Variants in PDS5A observed in about 807,000 individuals in gnomAD.
PDS5A encodes the protein sister chromatid cohesion protein PDS5 homolog A.
In PDS5A, 42 loss-of-function variants were observed where a neutral mutation model predicts 167.1. That is an observed-to-expected ratio of 0.25 (90% CI 0.20 to 0.33). The LOEUF (loss-of-function observed/expected upper bound fraction) is 0.33. Among genes scored for constraint, PDS5A ranks in the 10% least tolerant of loss-of-function variants. The pLI is 1.00. For synonymous variants in PDS5A, 553 were observed against 554.6 expected, an observed-to-expected ratio of 1.00 and a Z score of 0.04; for missense variants, 1,033 against 1,605.9, an observed-to-expected ratio of 0.64 and a Z score of 6.10.
chr4:39,863,170 T>C, intron 24 of PDS5A, 97 bp from the exon 25 acceptor site: 1 of 999,226 alleles, frequency 1.0e-6, no homozygotes. Context: ...AAGAAGATAA[T>C]TATATGGGAG....
chr4:39,954,460 G>A (rs896613318), intron 2 of PDS5A, among the ~76,000 whole-genome samples: 15 of 151,770 alleles, frequency 9.9e-5, no homozygotes, highest in Non-Finnish European at 1.3e-4. Context: ...CTGGGATTAC[G>A]GGCATGTGCC....
At chr4:39,829,701 C>T (rs1043255853) in intron 32 of PDS5A, among the ~76,000 whole-genome samples, 12 of 151,196 alleles carry the variant, frequency 7.9e-5, no homozygotes, top group Admixed American at 6.6e-4. Flanking sequence ...CCTGTAATCC[C>T]GGCACTTTTG....
chr4:39,860,680 T>TTCA (rs1718909502), intron 26 of PDS5A, among the ~76,000 whole-genome samples: 1 of 152,158 alleles, frequency 6.6e-6, no homozygotes, highest in Admixed American at 6.5e-5. Context: ...ATTCTGTCAT[T>TTCA]TTCAGCAAAA....
chr4:39,922,869 C>T, intron 5 of PDS5A, 121 bp from the exon 6 acceptor site: 1 of 1,188,902 alleles, frequency 8.4e-7, no homozygotes, highest in Non-Finnish European at 1.1e-6. Context: ...AGGATTTTCA[C>T]TTGAGGGACA....
intron 2 of PDS5A, among the ~76,000 whole-genome samples, chr4:39,941,033 C>G (rs552750845): frequency 1.3e-5 from 2 of 152,310 alleles, no homozygotes; most frequent in South Asian, 4.1e-4. Flanking sequence ...AACTAAAACC[C>G]AGGTTTCAGG....
chr4:39,849,318 A>G, intron 27 of PDS5A, among the ~76,000 whole-genome samples: 1 of 152,124 alleles, frequency 6.6e-6, no homozygotes, highest in East Asian at 1.9e-4. Flanking sequence ...CTAAGGTTAT[A>G]ATGTCTTTTC....
intron 2 of PDS5A, among the ~76,000 whole-genome samples, chr4:39,974,956 C>A (rs1397824171): frequency 6.6e-6 from 1 of 151,420 alleles, no homozygotes; most frequent in East Asian, 2.0e-4. Context: ...ACTAAAAATA[C>A]AAAAATTAGC....
At chr4:39,850,343 A>G (rs1455427350) in intron 26 of PDS5A, among the ~76,000 whole-genome samples, 1 of 151,476 alleles carries the variant, frequency 6.6e-6, no homozygotes, top group Non-Finnish European at 1.5e-5. Context: ...TACAAAAATT[A>G]GCTGGGCATG....
chr4:39,824,914 T>A lies in PDS5A; in HGVS notation c.*571A>T, dbSNP rs1342188476. 1 of 152,662 alleles carries A rather than the reference T, an allele frequency of 6.6e-6. No homozygotes were observed. Among genetic ancestry groups the A allele is most frequent in the East Asian group, 1.9e-4 (1 of 5,200 alleles). 9.5% of individuals were successfully genotyped at this position (152,662 alleles called of 1,614,324 possible). A position where few individuals can be genotyped will look rare whatever the true frequency, so the allele number is the denominator to read the frequency against. On this transcript the variant is annotated 3_prime_UTR_variant, in exon 33 of 33. Transcript: ENST00000303538. ...AGCAGGGAACCGAAATCTGTACATC[T>A]CATTTTTGCAGAAAAGTAGGCAGGC...
At chr4:39,853,355 G>T (rs1000982558) in intron 26 of PDS5A, among the ~76,000 whole-genome samples, 7 of 152,164 alleles carry the variant, frequency 4.6e-5, no homozygotes, top group African/African-American at 1.7e-4. Context: ...ATGTAGCTGA[G>T]AAGCTTGATA....
chr4:39,826,473 T>TTTTATTTATTTATTTATTTA (rs57090254), intron 32 of PDS5A, among the ~76,000 whole-genome samples: 7,122 of 143,742 alleles, frequency 0.05, 229 homozygotes, highest in Non-Finnish European at 0.054. Context: ...CATTCCACAT[T>TTTTATTTATTTATTTATTTA]TTTATTTATT....
chr4:39,927,903 A>G, intron 3 of PDS5A, 58 bp downstream of exon 3: 1 of 1,150,494 alleles, frequency 8.7e-7, no homozygotes, highest in East Asian at 2.4e-5. Context: ...AAATAAAAGT[A>G]TACCTTCTGA....
At chr4:39,887,244 G>A (rs1225626197) in intron 17 of PDS5A, among the ~76,000 whole-genome samples, 3 of 151,798 alleles carry the variant, frequency 2.0e-5, no homozygotes, top group African/African-American at 4.8e-5. Flanking sequence ...GTTCAGTGTG[G>A]GTGTGTCACA....
In PDS5A at chr4:39,862,870, A is replaced by T. The variant is rs958679818; in HGVS notation, c.2970T>A (p.Thr990=). The change falls in exon 25 of 33, where the codon ACT becomes ACA. Residue 990 remains threonine (T), a splice_region_variant and synonymous_variant. Coordinates refer to ENST00000303538, the MANE Select transcript of PDS5A (RefSeq NM_001100399.2). The stretch of plus-strand genomic sequence containing the variant: ...CACGGAGAACTCTGAGTTACTTACC[A>T]GTAGCCATAGGATTCTGCTTAATGT... ...REYIKQNPMA[T]EKLLSLLPEY... is the part of the protein sequence containing the mutation. 1.3e-6 allele frequency: 2 copies of T among 1,590,412 alleles called. No homozygotes were observed.
chr4:39,950,914 T>G (rs536301318), intron 2 of PDS5A, among the ~76,000 whole-genome samples: 1 of 152,194 alleles, frequency 6.6e-6, no homozygotes, highest in African/African-American at 2.4e-5. Flanking sequence ...GGTTTTAATT[T>G]TTAAAATAGA....
rs142147688 is a variant in PDS5A, at chr4:39,867,733, AACACACACACACAC to A, written c.2506-750_2506-737del. Among the ~76,000 whole-genome samples, 93 of 130,616 alleles carry A rather than the reference AACACACACACACAC, an allele frequency of 7.1e-4. 1 individual carries two copies. The highest frequency in any genetic ancestry group is 1.4e-3 in the South Asian group (6 of 4,148). 85.7% of individuals were successfully genotyped at this position (130,616 alleles called of 152,430 possible). A position where few individuals can be genotyped will look rare whatever the true frequency, so the allele number is the denominator to read the frequency against. On this transcript the variant is annotated intron_variant, in intron 22 of 32. Transcript: ENST00000303538. Reference sequence around the variant, plus strand: ...AAACTCTGTTTCATAAAAAAACCAAAACACACACACACACACACACACACACACACACACACACA... The same window carrying A: ...AAACTCTGTTTCATAAAAAAACCAAAACACACACACACACACACACACACA...
intron 18 of PDS5A, among the ~76,000 whole-genome samples, chr4:39,879,396 C>A (rs957449791): frequency 1.3e-5 from 2 of 152,028 alleles, no homozygotes; most frequent in Admixed American, 6.6e-5. Context: ...ATGATATTCC[C>A]TCCTCTAGAT....
At chr4:39,967,040 C>T (rs1730035839) in intron 2 of PDS5A, among the ~76,000 whole-genome samples, 1 of 151,696 alleles carries the variant, frequency 6.6e-6, no homozygotes, top group Admixed American at 6.6e-5. Flanking sequence ...TGTGGTGGCT[C>T]ACGCCTGTAA....
intron 2 of PDS5A, among the ~76,000 whole-genome samples, chr4:39,955,122 C>A (rs749737792): frequency 2.6e-5 from 4 of 151,968 alleles, no homozygotes; most frequent in Non-Finnish European, 5.9e-5. Context: ...TAGAGCTCAC[C>A]CTGGCCAAAC....
Sources: allele counts gnomAD v4.1 joint callset (sites outside exome capture counted in the v4.1 genomes callset), GRCh38; gene constraint gnomAD v4.1.1; transcripts MANE v1.5; gene names NCBI Gene and HGNC (gene_info 2026-07-23, HGNC 2026-07-21).